The following RSPO4 variants were observed in gnomAD, a reference collection of about 807,000 sequenced individuals.
The protein encoded by RSPO4 is R-spondin-4.
Under a neutral mutation model 24.8 loss-of-function variants are expected in RSPO4, and 23 were observed. That is an observed-to-expected ratio of 0.93 (90% CI 0.67 to 1.31). RSPO4 has a LOEUF of 1.31. RSPO4 is among the 40% of genes most tolerant of loss of function. RSPO4 has a pLI of 0.00. For synonymous variants in RSPO4, 141 were observed against 127.4 expected (o/e 1.11, Z -0.72); for missense variants, 333 against 316.5 (o/e 1.05, Z -0.39).
chr20:988,695 C>A (rs1389785287), intron 1 of RSPO4, among the ~76,000 whole-genome samples: 1 of 152,110 alleles, frequency 6.6e-6, no homozygotes, highest in Non-Finnish European at 1.5e-5. Context: ...GGATTACAGG[C>A]ACCCACCACC....
At position 967,981 on chromosome 20, in the gene RSPO4, G is replaced by T; in HGVS notation, c.237C>A (p.Gly79=). The change falls in exon 2 of 5, where the codon GGC becomes GGA. Residue 79 remains glycine (G), a synonymous_variant. Coordinates refer to ENST00000217260, the MANE Select transcript of RSPO4 (RefSeq NM_001029871.4). ...CLHDCPPGYF[G]IRGQEVNRCK... ...ACCTGTTGACCTCCTGGCCGCGGAT[G>T]CCGAAGTACCCAGGGGGACAGTCGT... 6.2e-7 allele frequency: 1 copy of T among 1,614,254 alleles called. No individual in the cohort carries two copies. The highest frequency in any genetic ancestry group is 2.2e-5 in the East Asian group (1 of 44,880).
intron 1 of RSPO4, among the ~76,000 whole-genome samples, chr20:986,830 G>C (rs1287991197): frequency 6.6e-6 from 1 of 152,032 alleles, no homozygotes; most frequent in Non-Finnish European, 1.5e-5. Flanking sequence ...GGGAGAATGG[G>C]CAAAGACATT....
chr20:998,146 C>T (rs56399744), intron 1 of RSPO4, among the ~76,000 whole-genome samples: 1 of 152,132 alleles, frequency 6.6e-6, no homozygotes, highest in African/African-American at 2.4e-5. Context: ...AAGGTTTGAT[C>T]CCAGGGCTCT....
intron 1 of RSPO4, among the ~76,000 whole-genome samples, chr20:969,032 C>T (rs1984324158): frequency 1.3e-5 from 2 of 152,162 alleles, no homozygotes; most frequent in Admixed American, 6.5e-5. Context: ...GATTGTCAGC[C>T]TGGCCAGGCA....
intron 1 of RSPO4, among the ~76,000 whole-genome samples, chr20:998,881 G>T (rs185060951): frequency 9.9e-5 from 15 of 152,254 alleles, no homozygotes; most frequent in Non-Finnish European, 8.8e-5. Flanking sequence ...GTCAAAGCTG[G>T]TAGGACCCTG....
intron 1 of RSPO4, among the ~76,000 whole-genome samples, chr20:991,243 G>A (rs1985091792): frequency 6.6e-6 from 1 of 152,142 alleles, no homozygotes; most frequent in Admixed American, 6.5e-5. Flanking sequence ...ACCTGGCTCT[G>A]GGGTGACTTC....
In RSPO4 at chr20:968,186, G is replaced by A. The variant is rs529996964; in HGVS notation, c.80-48C>T. 3.2e-6 allele frequency: 5 copies of A among 1,564,470 alleles called. No homozygotes were observed. The Admixed American group carries it at 5.0e-5, about 16-fold the overall frequency. ...AGGAGGGGGAAAGGGAGAGAGAGATGGTCAAACCATATATGCGAGCAGCTG... is the reference window on the plus strand; with the variant it reads ...AGGAGGGGGAAAGGGAGAGAGAGATAGTCAAACCATATATGCGAGCAGCTG... On this transcript the variant is annotated intron_variant, in intron 1 of 4. Transcript: ENST00000217260.
At chr20:1,001,242 A>T (rs1004328503) in intron 1 of RSPO4, among the ~76,000 whole-genome samples, 4 of 152,158 alleles carry the variant, frequency 2.6e-5, no homozygotes, top group Non-Finnish European at 4.4e-5. Flanking sequence ...CTGGAGGCCA[A>T]AGGGCTGCCC....
intron 1 of RSPO4, among the ~76,000 whole-genome samples, chr20:985,573 T>C (rs1333925018): frequency 6.6e-6 from 1 of 152,222 alleles, no homozygotes; most frequent in African/African-American, 2.4e-5. Context: ...AAAATGTTTA[T>C]TGGATGTAAG....
chr20:964,763 TAC>T lies in RSPO4; in HGVS notation c.410-645_410-644del, dbSNP rs367722868. Among the ~76,000 whole-genome samples, 351 of 138,580 alleles carry T rather than the reference TAC, an allele frequency of 2.5e-3. 3 individuals are homozygous for T. The highest frequency in any genetic ancestry group is 0.011 in the Middle Eastern group (3 of 262). The allele number at this position is 138,580 out of a possible 152,430, so 90.9% of individuals were successfully genotyped here. A position where few individuals can be genotyped will look rare whatever the true frequency, so the allele number is the denominator to read the frequency against. ...ACACACATATATATACACATATATATACACACACACACACATATATATATACA... is the reference window on the plus strand; with the variant it reads ...ACACACATATATATACACATATATATACACACACACACATATATATATACA... On this transcript the variant is annotated intron_variant, in intron 3 of 4. Coordinates refer to ENST00000217260, the MANE Select transcript of RSPO4 (RefSeq NM_001029871.4).
At chr20:978,261 G>C (rs1057002702) in intron 1 of RSPO4, among the ~76,000 whole-genome samples, 2 of 152,174 alleles carry the variant, frequency 1.3e-5, no homozygotes, top group African/African-American at 4.8e-5. Context: ...TCTGAGCCTT[G>C]GTCTTCTCTT....
At chr20:977,956 G>T (rs1984617424) in intron 1 of RSPO4, among the ~76,000 whole-genome samples, 1 of 152,204 alleles carries the variant, frequency 6.6e-6, no homozygotes, top group Non-Finnish European at 1.5e-5. Flanking sequence ...CTCCACATAT[G>T]GGAGGCAGTC....
intron 1 of RSPO4, among the ~76,000 whole-genome samples, chr20:1,001,359 G>C (rs935202275): frequency 6.6e-6 from 1 of 152,206 alleles, no homozygotes; most frequent in Non-Finnish European, 1.5e-5. Context: ...CACCTTCTGA[G>C]GATGTTCTGA....
intron 1 of RSPO4, among the ~76,000 whole-genome samples, chr20:987,576 A>G (rs979780039): frequency 6.6e-6 from 1 of 152,120 alleles, no homozygotes; most frequent in African/African-American, 2.4e-5. Flanking sequence ...ACTTAAGGCC[A>G]GGAATTTGAG....
At chr20:998,820 G>A (rs773484302) in intron 1 of RSPO4, among the ~76,000 whole-genome samples, 6 of 152,132 alleles carry the variant, frequency 3.9e-5, no homozygotes, top group Non-Finnish European at 7.4e-5. Flanking sequence ...ATGAAGCACT[G>A]CCAATACCCA....
At chr20:990,266 G>C (rs1382361333) in intron 1 of RSPO4, among the ~76,000 whole-genome samples, 1 of 152,170 alleles carries the variant, frequency 6.6e-6, no homozygotes, top group East Asian at 1.9e-4. Context: ...TAAACTGTTT[G>C]TGGGGGCAGA....
chr20:981,094 G>T lies in RSPO4; in HGVS notation c.80-12956C>A, dbSNP rs1273127789. On this transcript the variant is annotated intron_variant, in intron 1 of 4. Transcript: ENST00000217260. The surrounding 1 kb of genome is among the most constrained non-coding windows in gnomAD (Gnocchi z 4.6). The stretch of plus-strand genomic sequence containing the variant: ...ACGGTTCAGGAAGTGAAGGCTCAAA[G>T]ACCAACAATTATAGGTGGTGGCATT... Among the ~76,000 whole-genome samples the T allele has an allele frequency of 1.3e-5, 2 of 152,218 alleles. No homozygotes were observed. The highest frequency in any genetic ancestry group is 1.5e-5 in the Non-Finnish European group (1 of 68,034).
At chr20:966,626 G>T (rs1369417537) in intron 3 of RSPO4, among the ~76,000 whole-genome samples, 1 of 152,176 alleles carries the variant, frequency 6.6e-6, no homozygotes, top group African/African-American at 2.4e-5. Context: ...GCTTTGGGAG[G>T]CTGAGGTGGG....
At chr20:963,421 G>A (rs961248406) in intron 4 of RSPO4, among the ~76,000 whole-genome samples, 2 of 152,106 alleles carry the variant, frequency 1.3e-5, no homozygotes, top group Non-Finnish European at 2.9e-5. Flanking sequence ...TTGGGAAATC[G>A]CATCTCTGAT....
Sources: allele counts gnomAD v4.1 joint callset (sites outside exome capture counted in the v4.1 genomes callset), GRCh38; gene constraint gnomAD v4.1.1; non-coding constraint Gnocchi (gnomAD v3.1); transcripts MANE v1.5; gene names NCBI Gene and HGNC (gene_info 2026-07-23, HGNC 2026-07-21).